Variants in C2CD5 observed in about 807,000 individuals in gnomAD.
C2CD5 encodes the protein C2 calcium dependent domain containing 5.
Under a neutral mutation model 130.3 loss-of-function variants are expected in C2CD5, and 109 were observed. The observed-to-expected ratio is 0.84, with a 90% CI of 0.72 to 0.98. The LOEUF is 0.98. C2CD5 is among the 50% of genes least tolerant of loss of function. The pLI, the probability that C2CD5 is intolerant of heterozygous loss-of-function variation, is 0.00. For missense variants in C2CD5, 996 were observed against 1,261.8 expected (o/e 0.79, Z 3.19); for synonymous variants, 454 against 429.2 (o/e 1.06, Z -0.71).
At chr12:22,525,775 T>A (rs1950663538) in intron 4 of C2CD5, 70 bp from the exon 5 acceptor site, 2 of 787,638 alleles carry the variant, frequency 2.5e-6, no homozygotes, top group Middle Eastern at 2.6e-4. Context: ...ATGAAGCAAA[T>A]TAATGCTAAA....
intron 6 of C2CD5, 116 bp downstream of exon 6, chr12:22,524,356 G>C: frequency 1.3e-6 from 1 of 777,276 alleles, no homozygotes; most frequent in African/African-American, 1.8e-5. Context: ...GGGAAGGCAT[G>C]CAGTCACTTA....
At chr12:22,535,826 G>A (rs1951767944) in intron 2 of C2CD5, among the ~76,000 whole-genome samples, 1 of 152,144 alleles carries the variant, frequency 6.6e-6, no homozygotes, top group African/African-American at 2.4e-5. Context: ...GTCATGCTTT[G>A]CTGGTAGGAG....
rs760768922 is a variant in C2CD5, at chr12:22,544,197, C to CA, written c.-29-19_-29-18insT. The CA allele has an allele frequency of 5.1e-6, 8 of 1,573,140 alleles. No individual in the cohort carries two copies. In the Admixed American group the frequency reaches 1.4e-4, roughly 27 times the overall value. On this transcript the variant is annotated intron_variant, in intron 1 of 26. Coordinates refer to ENST00000446597, the MANE Select transcript of C2CD5 (RefSeq NM_001286176.2). ...TTGGGCTCCTGCAGAAACAAACAAA[C>CA]GAGTCTGCGCCGAGCGCGGGGCCGG...
chr12:22,501,057 T>A (rs964243092), intron 10 of C2CD5, among the ~76,000 whole-genome samples: 12 of 152,212 alleles, frequency 7.9e-5, no homozygotes, highest in Non-Finnish European at 1.6e-4. Flanking sequence ...ATATCAAATT[T>A]TTCTTCAGAA....
intron 12 of C2CD5, among the ~76,000 whole-genome samples, chr12:22,489,407 A>C (rs1946052076): frequency 6.6e-6 from 1 of 152,046 alleles, no homozygotes; most frequent in South Asian, 2.1e-4. Context: ...TGAAAATAGG[A>C]AAACAATAAA....
intron 10 of C2CD5, among the ~76,000 whole-genome samples, chr12:22,495,317 G>A (rs1015201058): frequency 1.2e-4 from 18 of 152,006 alleles, no homozygotes; most frequent in African/African-American, 4.1e-4. Flanking sequence ...TTTACAGAAA[G>A]TAATCCATAA....
chr12:22,474,182 C>T (rs528756039), intron 16 of C2CD5, among the ~76,000 whole-genome samples: 1 of 152,220 alleles, frequency 6.6e-6, no homozygotes, highest in South Asian at 2.1e-4. Flanking sequence ...AAATCTATCT[C>T]TTTGGGAGCT....
rs1269634646 is a variant in C2CD5, at chr12:22,449,574, G to A, written c.*186C>T. ...GTCAAGACCCCACAGGGCCTGTCTA[G>A]AACAGGCAAACAAAATGTCAAGATT... is the stretch of plus-strand genomic sequence containing the variant. On this transcript the variant is annotated 3_prime_UTR_variant, in exon 27 of 27. Transcript: ENST00000446597. The A allele has an allele frequency of 3.8e-6, 2 of 531,894 alleles. No individual in the cohort carries two copies. Among genetic ancestry groups the A allele is most frequent in the Non-Finnish European group, 6.7e-6 (2 of 299,310 alleles). The allele number at this position is 531,894 out of a possible 1,614,324, so 32.9% of individuals were successfully genotyped here. A position where few individuals can be genotyped will look rare whatever the true frequency, so the allele number is the denominator to read the frequency against.
At chr12:22,527,601 A>G in intron 4 of C2CD5, 120 bp downstream of exon 4, 1 of 564,494 alleles carries the variant, frequency 1.8e-6, no homozygotes, top group Non-Finnish European at 2.9e-6. Context: ...TACAGGCATG[A>G]GCCACCGCAC....
At chr12:22,455,707 T>C (rs2135981054) in intron 25 of C2CD5, among the ~76,000 whole-genome samples, 1 of 152,120 alleles carries the variant, frequency 6.6e-6, no homozygotes. Context: ...GGGGGAAGGA[T>C]AGAGTCTCAC....
At chr12:22,480,874 G>A (rs953679923) in intron 14 of C2CD5, among the ~76,000 whole-genome samples, 6 of 151,704 alleles carry the variant, frequency 4.0e-5, no homozygotes, top group Admixed American at 6.6e-5. Flanking sequence ...GCACAATCAC[G>A]GCTCACTGCA....
intron 4 of C2CD5, among the ~76,000 whole-genome samples, chr12:22,527,328 A>ATT (rs1418166575): frequency 3.1e-4 from 40 of 130,584 alleles, no homozygotes; most frequent in Non-Finnish European, 5.3e-4. Flanking sequence ...ATATATATAT[A>ATT]TATTTTTTTT....
intron 2 of C2CD5, 29 bp from the exon 3 acceptor site, chr12:22,535,373 A>G (rs1481919289): frequency 2.6e-6 from 3 of 1,154,310 alleles, no homozygotes; most frequent in South Asian, 1.3e-5. Context: ...TTATTCACAT[A>G]TGAATATCAA....
chr12:22,452,432 CCA>C (rs1235702251), intron 26 of C2CD5, among the ~76,000 whole-genome samples: 1 of 152,076 alleles, frequency 6.6e-6, no homozygotes, highest in Non-Finnish European at 1.5e-5. Context: ...TTTGACCACT[CCA>C]CACAATCTCC....
Position 22,471,450 on chromosome 12 carries a change from G to A in C2CD5, c.2307C>T (p.Cys769=). The A allele has an allele frequency of 6.3e-7, 1 of 1,599,018 alleles. No individual in the cohort carries two copies. Among genetic ancestry groups the A allele is most frequent in the Non-Finnish European group, 8.6e-7 (1 of 1,167,508 alleles). The change falls in exon 20 of 27, where the codon TGC becomes TGT. Residue 769 remains cysteine (C), a synonymous_variant. Coordinates refer to ENST00000446597, the MANE Select transcript of C2CD5 (RefSeq NM_001286176.2). ...ATACTGTAAAATTTACATGGCAAAG[G>A]CAGCAGGGGATCATAGATCGTAGTT... ...YFKLRSMIPC[C]LCHVNFTVSL...
At position 22,457,108 on chromosome 12, in the gene C2CD5, A is replaced by G; in HGVS notation, c.2740T>C (p.Ser914Pro). ...GTGGAATTTGCACAAGGTGGAGCAG[A>G]ACGATTCCGGAAATTTCCATCACCC... is the stretch of plus-strand genomic sequence containing the variant. ...PVGDGNFRNR[S>P]APPCANSTVG... The change falls in exon 25 of 27, where the codon TCT becomes CCT. Residue 914 changes from serine to proline, a missense_variant. Physicochemically the swap from Ser to Pro is moderately conservative, Grantham distance 74. This residue lies in a region of C2CD5 where 590 missense variants were observed against 631.4 expected (regional missense o/e 0.93). Transcript: ENST00000446597. 1.2e-6 allele frequency: 2 copies of G among 1,611,390 alleles called. No homozygotes were observed. The highest frequency in any genetic ancestry group is 1.7e-6 in the Non-Finnish European group (2 of 1,179,016).
intron 2 of C2CD5, among the ~76,000 whole-genome samples, chr12:22,541,662 C>T (rs1431877421): frequency 6.6e-6 from 1 of 152,208 alleles, no homozygotes; most frequent in Non-Finnish European, 1.5e-5. Flanking sequence ...GGCTCCTTCT[C>T]ATCCAGCAGA....
chr12:22,482,659 C>CACTTCATATTCCATA lies in C2CD5; in HGVS notation c.1620_1634dup (p.Met541_Val545dup). 1 of 1,611,844 alleles carries CACTTCATATTCCATA rather than the reference C, an allele frequency of 6.2e-7. No homozygotes were observed. Among genetic ancestry groups the CACTTCATATTCCATA allele is most frequent in the Non-Finnish European group, 8.5e-7 (1 of 1,178,038 alleles). Reference sequence around the variant, plus strand: ...TTAGTTTATTCATTAGCTGAGTATGCACTTCATATTCCATAAATGGCAAGA... The same window carrying CACTTCATATTCCATA: ...TTAGTTTATTCATTAGCTGAGTATGCACTTCATATTCCATAACTTCATATTCCATAAATGGCAAGA... On this transcript the variant is annotated inframe_insertion, in exon 14 of 27. Transcript: ENST00000446597.
intron 7 of C2CD5, among the ~76,000 whole-genome samples, chr12:22,523,195 C>G (rs143570791): frequency 0.042 from 6,335 of 151,914 alleles, 166 homozygotes; most frequent in South Asian, 0.11. Flanking sequence ...GCCTGGGCAA[C>G]AGAGCAAGAC....
Sources: gnomAD v4.1 joint callset for allele counts (sites outside exome capture counted in the v4.1 genomes callset) on GRCh38, gnomAD v4.1.1 for gene constraint, gnomAD v4.1.1 regional missense constraint, MANE v1.5 for transcripts, NCBI Gene and HGNC (gene_info 2026-07-23, HGNC 2026-07-21) for gene names.